NEGR1: variants seen among roughly 807,000 people sequenced by gnomAD.
NEGR1 encodes neuronal growth regulator 1, also known as IgLON family member 4.
In NEGR1, 10 loss-of-function variants were observed where a neutral mutation model predicts 40.9. The observed-to-expected ratio is 0.24, with a 90% confidence interval of 0.15 to 0.42. The LOEUF is 0.42. NEGR1 is among the 10% of genes least tolerant of loss of function. The pLI is 1.00. For missense variants in NEGR1, 352 were observed against 438.9 expected, an observed-to-expected ratio of 0.80 and a Z score of 1.77; for synonymous variants, 185 against 166.8, an observed-to-expected ratio of 1.11 and a Z score of -0.84.
At chr1:72,011,560 G>T (rs1646657607) in intron 1 of NEGR1, among the ~76,000 whole-genome samples, 1 of 152,090 alleles carries the variant, frequency 6.6e-6, no homozygotes, top group Non-Finnish European at 1.5e-5. Flanking sequence ...AGATACCAAA[G>T]GGATGCCAGG....
At chr1:71,525,336 C>T (rs1343736572) in intron 6 of NEGR1, among the ~76,000 whole-genome samples, 2 of 151,620 alleles carry the variant, frequency 1.3e-5, no homozygotes, top group African/African-American at 4.8e-5. Flanking sequence ...TTCTATTTTC[C>T]ACCAGCCTTT....
At chr1:72,221,824 A>G (rs1654022254) in intron 1 of NEGR1, among the ~76,000 whole-genome samples, 1 of 152,154 alleles carries the variant, frequency 6.6e-6, no homozygotes, top group Non-Finnish European at 1.5e-5. Flanking sequence ...GTGTTTTTAA[A>G]TCATAGCCAC....
intron 1 of NEGR1, among the ~76,000 whole-genome samples, chr1:72,183,388 A>G (rs1193533827): frequency 6.6e-6 from 1 of 152,104 alleles, no homozygotes; most frequent in Non-Finnish European, 1.5e-5. Flanking sequence ...AAGACTGCCT[A>G]AGAACTATAC....
chr1:72,081,750 T>C (rs1413575743), intron 1 of NEGR1, among the ~76,000 whole-genome samples: 4 of 152,058 alleles, frequency 2.6e-5, no homozygotes, highest in African/African-American at 9.7e-5. Context: ...GGCTAGTGAG[T>C]GGCAAAATTT....
chr1:72,170,017 C>G (rs535083089), intron 1 of NEGR1, among the ~76,000 whole-genome samples: 2 of 152,078 alleles, frequency 1.3e-5, no homozygotes, highest in Non-Finnish European at 2.9e-5. Context: ...TCCTTACACT[C>G]AGTACTATAT....
intron 1 of NEGR1, among the ~76,000 whole-genome samples, chr1:72,255,708 A>G: frequency 6.6e-6 from 1 of 151,758 alleles, no homozygotes; most frequent in Non-Finnish European, 1.5e-5. Flanking sequence ...GCACCACCAC[A>G]CCCAGCAATT....
chr1:71,822,599 C>T (rs1181248969), intron 2 of NEGR1, among the ~76,000 whole-genome samples: 2 of 151,986 alleles, frequency 1.3e-5, no homozygotes, highest in African/African-American at 4.8e-5. Flanking sequence ...GGCATCATTG[C>T]TTGAGGAGAC....
rs144809741 is a variant in NEGR1, at chr1:71,725,787, C to T, written c.536-27648G>A. ...TGTTTGATACACACTTGGATTATAG[C>T]ATAGTTTCTAGTTTTTATTTTGAAA... On this transcript the variant is annotated intron_variant, in intron 3 of 6. Coordinates refer to ENST00000357731, the MANE Select transcript of NEGR1 (RefSeq NM_173808.3). Among the ~76,000 whole-genome samples the T allele has an allele frequency of 3.4e-4, 51 of 152,096 alleles. No individual in the cohort carries two copies. In the Middle Eastern group the frequency reaches 0.017, roughly 51 times the overall value.
chr1:71,882,369 T>C (rs1394051076), intron 2 of NEGR1, among the ~76,000 whole-genome samples: 1 of 152,144 alleles, frequency 6.6e-6, no homozygotes, highest in African/African-American at 2.4e-5. Context: ...GGGCATTTTA[T>C]AGCATCTTAG....
chr1:71,577,572 T>C (rs1475820401), intron 6 of NEGR1, among the ~76,000 whole-genome samples: 2 of 152,216 alleles, frequency 1.3e-5, no homozygotes, highest in Non-Finnish European at 2.9e-5. Context: ...GGGTGATTTT[T>C]AATCTAGCTA....
At chr1:72,030,828 A>T (rs2100438333) in intron 1 of NEGR1, among the ~76,000 whole-genome samples, 1 of 152,340 alleles carries the variant, frequency 6.6e-6, no homozygotes, top group African/African-American at 2.4e-5. Flanking sequence ...ATCATACAAA[A>T]ATATTGGCTG....
intron 2 of NEGR1, among the ~76,000 whole-genome samples, chr1:71,854,460 G>T (rs1411287695): frequency 6.6e-6 from 1 of 151,984 alleles, no homozygotes; most frequent in African/African-American, 2.4e-5. Context: ...ATATTTAGAA[G>T]ATATTTTTTA....
intron 1 of NEGR1, among the ~76,000 whole-genome samples, chr1:72,243,917 T>C (rs1159386650): frequency 6.6e-6 from 1 of 151,824 alleles, no homozygotes; most frequent in Non-Finnish European, 1.5e-5. Flanking sequence ...GGTCTTAAAT[T>C]TAAACATGAA....
intron 5 of NEGR1, among the ~76,000 whole-genome samples, chr1:71,601,148 C>A (rs1451708523): frequency 1.3e-5 from 2 of 152,206 alleles, no homozygotes; most frequent in African/African-American, 4.8e-5. Flanking sequence ...ACTTTCCCAT[C>A]CATTTCTTCC....
chr1:72,000,375 T>A (rs921836590), intron 1 of NEGR1, among the ~76,000 whole-genome samples: 12 of 151,894 alleles, frequency 7.9e-5, no homozygotes, highest in African/African-American at 2.9e-4. Flanking sequence ...ACATTTAATA[T>A]CTGTAAAATA....
At chr1:71,731,982 C>T (rs1400723731) in intron 3 of NEGR1, among the ~76,000 whole-genome samples, 1 of 152,086 alleles carries the variant, frequency 6.6e-6, no homozygotes, top group Admixed American at 6.6e-5. Flanking sequence ...TTGAAGCCTC[C>T]AGTTTTCATG....
intron 2 of NEGR1, among the ~76,000 whole-genome samples, chr1:71,932,672 T>C (rs188400338): frequency 2.8e-4 from 42 of 152,218 alleles, no homozygotes; most frequent in Admixed American, 2.4e-3. Context: ...CCAATGTATG[T>C]TTGACATCAG....
intron 1 of NEGR1, among the ~76,000 whole-genome samples, chr1:72,015,663 G>A (rs1339005387): frequency 1.3e-5 from 2 of 152,026 alleles, no homozygotes; most frequent in African/African-American, 2.4e-5. Flanking sequence ...AAGTGAGACC[G>A]TGTCTCAAAA....
At chr1:71,878,400 T>C (rs976182828) in intron 2 of NEGR1, among the ~76,000 whole-genome samples, 1 of 152,182 alleles carries the variant, frequency 6.6e-6, no homozygotes, top group Non-Finnish European at 1.5e-5. Context: ...GTCTTATTTA[T>C]AGTCTGGTGT....
Sources: gnomAD v4.1 joint callset for allele counts (sites outside exome capture counted in the v4.1 genomes callset) on GRCh38, gnomAD v4.1.1 for gene constraint, MANE v1.5 for transcripts, NCBI Gene and HGNC (gene_info 2026-07-23, HGNC 2026-07-21) for gene names.